The following PEAK1 variants were observed in gnomAD, a reference collection of about 807,000 sequenced individuals.
The protein encoded by PEAK1 is inactive tyrosine-protein kinase PEAK1.
Under a neutral mutation model 124.7 loss-of-function variants are expected in PEAK1, and 54 were observed. The observed-to-expected ratio is 0.43, with a 90% CI of 0.35 to 0.54. PEAK1 has a LOEUF of 0.54. Among genes scored for constraint, PEAK1 ranks in the 20% least tolerant of loss-of-function variants. The pLI is 0.01. For missense variants in PEAK1, 2,046 were observed against 2,134.5 expected, an observed-to-expected ratio of 0.96 and a Z score of 0.82; for synonymous variants, 719 against 760.0, an observed-to-expected ratio of 0.95 and a Z score of 0.89.
intron 6 of PEAK1, among the ~76,000 whole-genome samples, chr15:77,215,562 C>T (rs12902434): frequency 0.36 from 54,840 of 151,928 alleles, 10,051 homozygotes; most frequent in Non-Finnish European, 0.38. Flanking sequence ...CTGCACTGTT[C>T]AGGGAATGAC....
intron 1 of PEAK1, among the ~76,000 whole-genome samples, chr15:77,414,825 C>T (rs1361959669): frequency 6.6e-6 from 1 of 152,216 alleles, no homozygotes; most frequent in Non-Finnish European, 1.5e-5. Flanking sequence ...TGACTTCTAG[C>T]ATTTCATGCT....
intron 9 of PEAK1, among the ~76,000 whole-genome samples, chr15:77,128,690 A>G (rs1043228008): frequency 3.9e-5 from 6 of 152,200 alleles, no homozygotes; most frequent in African/African-American, 1.4e-4. Context: ...TTCTCTTGGA[A>G]TGGGAATGTC....
chr15:77,249,487 T>C (rs965085353), intron 6 of PEAK1, among the ~76,000 whole-genome samples: 2 of 152,206 alleles, frequency 1.3e-5, no homozygotes, highest in Non-Finnish European at 2.9e-5. Flanking sequence ...ATTCTGTGAA[T>C]TGCACAATTA....
At chr15:77,163,468 T>G (rs887655925) in intron 7 of PEAK1, among the ~76,000 whole-genome samples, 9 of 152,230 alleles carry the variant, frequency 5.9e-5, no homozygotes, top group Non-Finnish European at 1.2e-4. Flanking sequence ...GGAAGCTCAC[T>G]TGGTTTACCC....
chr15:77,375,977 A>C (rs1247159259), intron 1 of PEAK1, among the ~76,000 whole-genome samples: 1 of 151,660 alleles, frequency 6.6e-6, no homozygotes, highest in Admixed American at 6.6e-5. Context: ...CCAGCCTGGG[A>C]GACAGAGCGA....
intron 5 of PEAK1, among the ~76,000 whole-genome samples, chr15:77,262,523 T>C (rs957749359): frequency 1.3e-5 from 2 of 151,630 alleles, no homozygotes; most frequent in Non-Finnish European, 2.9e-5. Context: ...GGCCATTACA[T>C]AATGGTAAAG....
At chr15:77,319,390 T>A (rs1291829432) in intron 2 of PEAK1, among the ~76,000 whole-genome samples, 2 of 152,212 alleles carry the variant, frequency 1.3e-5, no homozygotes, top group Non-Finnish European at 2.9e-5. Context: ...AAAATAAGTG[T>A]ATACTGATTA....
At chr15:77,349,927 C>T (rs1436937580) in intron 2 of PEAK1, 30 of 984,548 alleles carry the variant, frequency 3.0e-5, no homozygotes, top group Non-Finnish European at 3.5e-5. Flanking sequence ...CTGAGTGTCA[C>T]GAAGAAAATA....
chr15:77,355,831 T>G, intron 2 of PEAK1: 1 of 985,370 alleles, frequency 1.0e-6, no homozygotes, highest in Non-Finnish European at 1.2e-6. Context: ...GAAAAACTGC[T>G]GACCCCCTCC....
intron 2 of PEAK1, among the ~76,000 whole-genome samples, chr15:77,288,919 C>G (rs1051502751): frequency 3.8e-5 from 5 of 132,496 alleles, no homozygotes; most frequent in African/African-American, 1.4e-4. Flanking sequence ...CAAAGCAAGA[C>G]TCCGTCTCAA....
intron 9 of PEAK1, among the ~76,000 whole-genome samples, chr15:77,121,582 G>A (rs1451671085): frequency 6.6e-6 from 1 of 152,122 alleles, no homozygotes; most frequent in Non-Finnish European, 1.5e-5. Context: ...ATTTTGTACT[G>A]CACAAAACTA....
chr15:77,180,105 T>C lies in PEAK1; in HGVS notation c.1822A>G (p.Ile608Val), dbSNP rs769554996. The C allele has an allele frequency of 1.1e-5, 17 of 1,614,016 alleles. No homozygotes were observed. The highest frequency in any genetic ancestry group is 2.7e-5 in the African/African-American group (2 of 74,920). ...TAAGTTGGCTCGTCATGAATGATAA[T>C]TGGAAAAGGTGGCATACCAGCATTG... ...YNNAGMPPFPIIIHDEPTYAR... is the reference protein window; with the variant it reads ...YNNAGMPPFPVIIHDEPTYAR... Residue 608 changes from isoleucine to valine, a missense_variant, in exon 7 of 10, where the codon ATT becomes GTT. Physicochemically the swap from Ile to Val is conservative, Grantham distance 29 (BLOSUM62 3). Transcript: ENST00000682557.
intron 2 of PEAK1, among the ~76,000 whole-genome samples, chr15:77,356,265 A>G (rs2067512584): frequency 6.6e-6 from 1 of 152,212 alleles, no homozygotes; most frequent in African/African-American, 2.4e-5. Flanking sequence ...ATAAAATTGA[A>G]ATTTATACCT....
chr15:77,396,901 G>T (rs1214954613), intron 1 of PEAK1, among the ~76,000 whole-genome samples: 9 of 152,108 alleles, frequency 5.9e-5, no homozygotes, highest in Non-Finnish European at 1.3e-4. Context: ...TTCAGCACTG[G>T]ACAGATCATC....
intron 6 of PEAK1, among the ~76,000 whole-genome samples, chr15:77,243,908 CG>C (rs1567158808): frequency 6.6e-6 from 1 of 151,506 alleles, no homozygotes; most frequent in African/African-American, 2.4e-5. Context: ...GGGGAGGTTG[CG>C]GTGAGCTGAG....
chr15:77,343,208 TG>T (rs1488403214), intron 2 of PEAK1, among the ~76,000 whole-genome samples: 2 of 152,254 alleles, frequency 1.3e-5, no homozygotes, highest in African/African-American at 4.8e-5. Flanking sequence ...TGTTTTGATT[TG>T]GATTTCCCTA....
chr15:77,287,870 T>C (rs2063009252), intron 2 of PEAK1, among the ~76,000 whole-genome samples: 1 of 152,164 alleles, frequency 6.6e-6, no homozygotes, highest in Non-Finnish European at 1.5e-5. Flanking sequence ...AGTTGGGCAA[T>C]CATCTCACAC....
chr15:77,141,798 A>C (rs999475188), intron 8 of PEAK1, among the ~76,000 whole-genome samples: 7 of 152,206 alleles, frequency 4.6e-5, no homozygotes, highest in Non-Finnish European at 8.8e-5. Context: ...CAAGCAAAAT[A>C]ATGCTATTGA....
At chr15:77,284,578 T>C (rs975605412) in intron 4 of PEAK1, among the ~76,000 whole-genome samples, 1 of 152,198 alleles carries the variant, frequency 6.6e-6, no homozygotes, top group African/African-American at 2.4e-5. Flanking sequence ...CATAGGATCA[T>C]GTAACCTAAA....
Sources: gnomAD v4.1 joint callset for allele counts (sites outside exome capture counted in the v4.1 genomes callset) on GRCh38, gnomAD v4.1.1 for gene constraint, MANE v1.5 for transcripts, NCBI Gene and HGNC (gene_info 2026-07-23, HGNC 2026-07-21) for gene names.